The following CTNNA3 variants were observed in gnomAD, a reference collection of about 807,000 sequenced individuals.
CTNNA3 encodes the protein catenin alpha-3.
A neutral mutation model predicts 95.7 loss-of-function variants in CTNNA3; 76 were observed. That is an observed-to-expected ratio of 0.79 (90% confidence interval 0.66 to 0.96). The LOEUF is 0.96. Ranked by LOEUF, CTNNA3 falls within the 40% of genes least tolerant of loss-of-function variation. CTNNA3 has a pLI of 0.00. For missense variants in CTNNA3, 1,191 were observed against 1,089.8 expected, an observed-to-expected ratio of 1.09 and a Z score of -1.31; for synonymous variants, 431 against 374.4, an observed-to-expected ratio of 1.15 and a Z score of -1.74.
At chr10:66,022,542 C>A (rs2079240813) in intron 15 of CTNNA3, among the ~76,000 whole-genome samples, 1 of 151,848 alleles carries the variant, frequency 6.6e-6, no homozygotes, top group Admixed American at 6.6e-5. Context: ...AGAGGAACTG[C>A]ATGTGTCCTA....
chr10:67,411,942 A>T (rs1845382485), intron 5 of CTNNA3, among the ~76,000 whole-genome samples: 1 of 152,112 alleles, frequency 6.6e-6, no homozygotes, highest in African/African-American at 2.4e-5. Context: ...AACTTTGGTG[A>T]TAAAAAAAAA....
chr10:67,713,433 G>C (rs1297689320), intron 1 of CTNNA3, among the ~76,000 whole-genome samples: 1 of 152,074 alleles, frequency 6.6e-6, no homozygotes, highest in Non-Finnish European at 1.5e-5. Context: ...CCCATTACTG[G>C]GTATATACCC....
At chr10:66,836,907 G>A (rs1842905005) in intron 7 of CTNNA3, among the ~76,000 whole-genome samples, 1 of 151,968 alleles carries the variant, frequency 6.6e-6, no homozygotes, top group Non-Finnish European at 1.5e-5. Flanking sequence ...TTTTTTTAAT[G>A]CAATTAATGC....
intron 7 of CTNNA3, among the ~76,000 whole-genome samples, chr10:66,967,599 C>CTATG (rs1009826321): frequency 6.6e-6 from 1 of 151,908 alleles, no homozygotes; most frequent in African/African-American, 2.4e-5. Context: ...TGAGGCGGGA[C>CTATG]TATGTAAAAC....
At chr10:66,939,619 C>A (rs1214970121) in intron 7 of CTNNA3, among the ~76,000 whole-genome samples, 3 of 152,078 alleles carry the variant, frequency 2.0e-5, no homozygotes, top group Admixed American at 6.6e-5. Flanking sequence ...ATTTTAATTA[C>A]AATTTGTAAG....
intron 17 of CTNNA3, among the ~76,000 whole-genome samples, chr10:65,936,967 A>G (rs907498917): frequency 1.5e-4 from 23 of 151,856 alleles, no homozygotes; most frequent in Non-Finnish European, 2.7e-4. Flanking sequence ...TGACAATTAC[A>G]TAAGTTATAT....
intron 11 of CTNNA3, among the ~76,000 whole-genome samples, chr10:66,402,800 C>T (rs918165034): frequency 6.6e-6 from 1 of 152,160 alleles, no homozygotes; most frequent in Non-Finnish European, 1.5e-5. Flanking sequence ...ATCTTAATGT[C>T]ACTGAGTTGT....
At chr10:67,327,640 T>C (rs1480314616) in intron 5 of CTNNA3, among the ~76,000 whole-genome samples, 1 of 152,076 alleles carries the variant, frequency 6.6e-6, no homozygotes, top group African/African-American at 2.4e-5. Context: ...AGACCACTGG[T>C]CAGTACACTC....
At chr10:67,227,691 A>G (rs910323073) in intron 5 of CTNNA3, among the ~76,000 whole-genome samples, 1 of 152,220 alleles carries the variant, frequency 6.6e-6, no homozygotes, top group African/African-American at 2.4e-5. Flanking sequence ...CTTGGAACAA[A>G]TGAACTTAAC....
At chr10:67,344,950 T>A (rs1842355973) in intron 5 of CTNNA3, among the ~76,000 whole-genome samples, 1 of 151,930 alleles carries the variant, frequency 6.6e-6, no homozygotes, top group South Asian at 2.1e-4. Flanking sequence ...TATTTGAAGT[T>A]TTTTTTTCTT....
chr10:67,469,077 C>T (rs372828349), intron 5 of CTNNA3, among the ~76,000 whole-genome samples: 29 of 152,068 alleles, frequency 1.9e-4, no homozygotes, highest in African/African-American at 6.8e-4. Context: ...GTACCTGGGA[C>T]CAATGCTAAT....
At chr10:67,260,208 T>G (rs977968729) in intron 5 of CTNNA3, among the ~76,000 whole-genome samples, 1 of 152,134 alleles carries the variant, frequency 6.6e-6, no homozygotes, top group Non-Finnish European at 1.5e-5. Context: ...AGCATGATAA[T>G]GGAGAAGGAA....
At chr10:67,527,454 A>G (rs1840181758) in intron 4 of CTNNA3, among the ~76,000 whole-genome samples, 1 of 152,208 alleles carries the variant, frequency 6.6e-6, no homozygotes, top group Non-Finnish European at 1.5e-5. Flanking sequence ...AGGACCAACA[A>G]TTAACACCAG....
intron 5 of CTNNA3, among the ~76,000 whole-genome samples, chr10:67,384,519 T>C (rs1346463289): frequency 6.6e-6 from 1 of 152,232 alleles, no homozygotes; most frequent in African/African-American, 2.4e-5. Context: ...TGCATTCTTC[T>C]AGATTCCCAC....
At chr10:66,594,604 T>G (rs1359656873) in intron 10 of CTNNA3, among the ~76,000 whole-genome samples, 7 of 152,190 alleles carry the variant, frequency 4.6e-5, no homozygotes, top group Admixed American at 3.3e-4. Context: ...TCTCCTAGAA[T>G]TGTACACGGT....
chr10:67,094,778 A>T (rs1340038436), intron 7 of CTNNA3, among the ~76,000 whole-genome samples: 2 of 151,714 alleles, frequency 1.3e-5, no homozygotes, highest in Non-Finnish European at 2.9e-5. Context: ...TTCATAATTC[A>T]ACAAAGACTT....
intron 11 of CTNNA3, among the ~76,000 whole-genome samples, chr10:66,406,193 A>G (rs532171943): frequency 2.0e-5 from 3 of 152,204 alleles, no homozygotes; most frequent in Non-Finnish European, 4.4e-5. Flanking sequence ...TTGGCTCCCA[A>G]AGAAGACCCA....
At chr10:66,131,215 T>G (rs541591953) in intron 13 of CTNNA3, among the ~76,000 whole-genome samples, 2 of 152,214 alleles carry the variant, frequency 1.3e-5, no homozygotes, top group East Asian at 3.9e-4. Context: ...TTCAACTCAA[T>G]CTATGAGGCC....
intron 9 of CTNNA3, among the ~76,000 whole-genome samples, chr10:66,656,866 C>A (rs1372976852): frequency 6.6e-6 from 1 of 151,812 alleles, no homozygotes; most frequent in African/African-American, 2.4e-5. Flanking sequence ...CAATGTAGCC[C>A]CTTCCCAAGA....
Sources: allele counts gnomAD v4.1 joint callset (sites outside exome capture counted in the v4.1 genomes callset), GRCh38; gene constraint gnomAD v4.1.1; transcripts MANE v1.5; gene names NCBI Gene and HGNC (gene_info 2026-07-23, HGNC 2026-07-21).